NAALADL2: variants seen among roughly 807,000 people sequenced by gnomAD.
NAALADL2 encodes the protein N-acetylated alpha-linked acidic dipeptidase like 2.
Under a neutral mutation model 87.2 loss-of-function variants are expected in NAALADL2, and 76 were observed. The observed-to-expected ratio is 0.87, with a 90% CI of 0.72 to 1.05. NAALADL2 has a LOEUF of 1.05. Ranked by LOEUF, NAALADL2 falls within the 50% of genes least tolerant of loss-of-function variation. The pLI is 0.00. For synonymous variants in NAALADL2, 354 were observed against 331.0 expected (o/e 1.07, Z -0.75); for missense variants, 1,089 against 945.8 (o/e 1.15, Z -1.99).
At chr3:174,690,863 G>A (rs188375751) in intron 2 of NAALADL2, among the ~76,000 whole-genome samples, 3 of 152,190 alleles carry the variant, frequency 2.0e-5, no homozygotes, top group East Asian at 3.9e-4. Flanking sequence ...AATGGGTAGC[G>A]TGTGTGTATG....
chr3:174,448,105 C>G (rs530336474), intron 1 of NAALADL2, among the ~76,000 whole-genome samples: 1 of 152,232 alleles, frequency 6.6e-6, no homozygotes, highest in Non-Finnish European at 1.5e-5. Flanking sequence ...GTGAGGTGCT[C>G]CATTTCCCTC....
intron 1 of NAALADL2, among the ~76,000 whole-genome samples, chr3:174,941,519 G>A (rs1172150931): frequency 6.6e-6 from 1 of 151,962 alleles, no homozygotes; most frequent in African/African-American, 2.4e-5. Context: ...GATCTATTTG[G>A]TCCAATAGTG....
At chr3:175,520,606 C>A (rs1273946215) in intron 9 of NAALADL2, among the ~76,000 whole-genome samples, 1 of 152,096 alleles carries the variant, frequency 6.6e-6, no homozygotes, top group Non-Finnish European at 1.5e-5. Context: ...CCCAAGAATG[C>A]AATTTAAGAT....
At chr3:174,910,620 CCAGG>C (rs1385021744) in intron 1 of NAALADL2, among the ~76,000 whole-genome samples, 1 of 151,936 alleles carries the variant, frequency 6.6e-6, no homozygotes, top group African/African-American at 2.4e-5. Flanking sequence ...GTCCTGCAGT[CCAGG>C]CAGGATGACG....
chr3:174,736,232 C>A (rs1733185947), intron 2 of NAALADL2, among the ~76,000 whole-genome samples: 3 of 152,124 alleles, frequency 2.0e-5, no homozygotes, highest in Non-Finnish European at 1.5e-5. Context: ...TTGTTGCCTG[C>A]AATGTGGCGA....
At chr3:175,417,117 G>GAAAAAAAA (rs11424007) in intron 5 of NAALADL2, among the ~76,000 whole-genome samples, 2 of 125,436 alleles carry the variant, frequency 1.6e-5, no homozygotes, top group Non-Finnish European at 1.7e-5. Context: ...GAAGAGAAAA[G>GAAAAAAAA]AAAAAAAAAA....
intron 1 of NAALADL2, among the ~76,000 whole-genome samples, chr3:175,039,162 C>A (rs941925675): frequency 6.6e-6 from 1 of 151,910 alleles, no homozygotes; most frequent in Non-Finnish European, 1.5e-5. Flanking sequence ...CTACAAGGTT[C>A]TGTTGTTTGT....
chr3:175,126,165 G>A (rs1726915943), intron 2 of NAALADL2, among the ~76,000 whole-genome samples: 1 of 152,040 alleles, frequency 6.6e-6, no homozygotes, highest in Non-Finnish European at 1.5e-5. Flanking sequence ...CTGGGGGGTA[G>A]GAAGGGCAAA....
intron 6 of NAALADL2, 57 bp downstream of exon 6, chr3:175,447,429 T>G (rs1351221606): frequency 4.2e-6 from 5 of 1,194,820 alleles, no homozygotes; most frequent in Non-Finnish European, 5.7e-6. Context: ...ACCATGATCA[T>G]TTTTAATCTC....
intron 2 of NAALADL2, among the ~76,000 whole-genome samples, chr3:175,160,631 C>T (rs923841196): frequency 3.3e-5 from 5 of 151,690 alleles, no homozygotes; most frequent in South Asian, 2.1e-4. Flanking sequence ...GGATTACAGG[C>T]GTGAGCCACT....
At chr3:175,128,613 A>G (rs1727326568) in intron 2 of NAALADL2, among the ~76,000 whole-genome samples, 1 of 152,154 alleles carries the variant, frequency 6.6e-6, no homozygotes, top group Admixed American at 6.5e-5. Flanking sequence ...AGTAGGTATA[A>G]GGGAATACAA....
intron 1 of NAALADL2, among the ~76,000 whole-genome samples, chr3:174,966,704 T>C (rs1742929893): frequency 6.6e-6 from 1 of 152,158 alleles, no homozygotes; most frequent in Non-Finnish European, 1.5e-5. Flanking sequence ...CCAAGTAACA[T>C]ACATTTGTAG....
At chr3:175,407,506 T>A (rs1175124378) in intron 5 of NAALADL2, among the ~76,000 whole-genome samples, 1 of 152,242 alleles carries the variant, frequency 6.6e-6, no homozygotes, top group African/African-American at 2.4e-5. Context: ...ACCTTCATGA[T>A]GTTTCCCTAC....
At chr3:174,982,661 C>T (rs1021834156) in intron 1 of NAALADL2, among the ~76,000 whole-genome samples, 3 of 152,152 alleles carry the variant, frequency 2.0e-5, no homozygotes, top group South Asian at 2.1e-4. Context: ...AGTGTAACAT[C>T]GAAGCCTTGC....
intron 2 of NAALADL2, among the ~76,000 whole-genome samples, chr3:175,116,440 C>G (rs1459037506): frequency 6.6e-6 from 1 of 151,462 alleles, no homozygotes; most frequent in Non-Finnish European, 1.5e-5. Flanking sequence ...ACACCAATAA[C>G]AGACAAACAG....
intron 2 of NAALADL2, among the ~76,000 whole-genome samples, 173 bp from the exon 3 acceptor site, chr3:175,233,758 C>T (rs2035105): frequency 0.85 from 129,922 of 152,162 alleles, 55,968 homozygotes; most frequent in Middle Eastern, 0.93. Context: ...ATTTAAGAAA[C>T]TAATTCATTC....
intron 1 of NAALADL2, among the ~76,000 whole-genome samples, chr3:175,054,400 G>A (rs141008585): frequency 0.02 from 3,120 of 152,266 alleles, 48 homozygotes; most frequent in Admixed American, 0.031. Context: ...TGGAATTATA[G>A]CAGGAGAAGG....
intron 3 of NAALADL2, among the ~76,000 whole-genome samples, chr3:174,838,322 T>C (rs535237436): frequency 1.2e-4 from 18 of 152,260 alleles, no homozygotes; most frequent in African/African-American, 3.9e-4. Flanking sequence ...CTCAGCAAAA[T>C]TGGCATACAA....
At chr3:175,427,031 T>C (rs1191816214) in intron 5 of NAALADL2, among the ~76,000 whole-genome samples, 1 of 152,210 alleles carries the variant, frequency 6.6e-6, no homozygotes, top group Non-Finnish European at 1.5e-5. Flanking sequence ...GCTAGACTAA[T>C]TTTAACTCTG....
Sources: allele counts gnomAD v4.1 joint callset (sites outside exome capture counted in the v4.1 genomes callset), GRCh38; gene constraint gnomAD v4.1.1; transcripts MANE v1.5; gene names NCBI Gene and HGNC (gene_info 2026-07-23, HGNC 2026-07-21).